Variants in KCNN2 observed in about 807,000 individuals in gnomAD.
KCNN2 encodes the protein potassium calcium-activated channel subfamily N member 2.
KCNN2 carries 24 observed loss-of-function variants against 55.5 expected under a neutral mutation model. That is an observed-to-expected ratio of 0.43 (90% CI 0.31 to 0.61). The LOEUF (loss-of-function observed/expected upper bound fraction) is 0.61, where lower values mean the gene tolerates loss of function less well. Ranked by LOEUF, KCNN2 falls within the 20% of genes least tolerant of loss-of-function variation. KCNN2 has a pLI of 0.08. For missense variants in KCNN2, 754 were observed against 853.6 expected (o/e 0.88, Z 1.45); for synonymous variants, 431 against 336.1 (o/e 1.28, Z -3.09).
chr5:114,286,820 G>A (rs902023903), intron 2 of KCNN2, among the ~76,000 whole-genome samples: 2 of 152,158 alleles, frequency 1.3e-5, no homozygotes, highest in Non-Finnish European at 2.9e-5. Flanking sequence ...TACTGATATA[G>A]AAAGTCAGAC....
chr5:114,257,046 G>A (rs1244826893), intron 2 of KCNN2, among the ~76,000 whole-genome samples: 1 of 151,758 alleles, frequency 6.6e-6, no homozygotes, highest in African/African-American at 2.4e-5. Flanking sequence ...TATATGGTGA[G>A]ATAGAGGTCC....
At chr5:114,125,534 A>G (rs986870598) in intron 1 of KCNN2, among the ~76,000 whole-genome samples, 1 of 151,972 alleles carries the variant, frequency 6.6e-6, no homozygotes, top group African/African-American at 2.4e-5. Flanking sequence ...ACAACTTCCT[A>G]AAAAAAATCT....
intron 1 of KCNN2, among the ~76,000 whole-genome samples, chr5:114,136,040 A>C (rs1054587592): frequency 6.6e-6 from 1 of 152,230 alleles, no homozygotes; most frequent in Non-Finnish European, 1.5e-5. Context: ...CCAGAATTAA[A>C]GAATTGAGTT....
intron 2 of KCNN2, among the ~76,000 whole-genome samples, chr5:114,344,895 C>T (rs534547954): frequency 9.2e-5 from 14 of 152,204 alleles, no homozygotes; most frequent in Non-Finnish European, 1.8e-4. Flanking sequence ...AGACTAGGTG[C>T]TGCTTATTTA....
chr5:114,394,162 T>A (rs993397647), intron 2 of KCNN2, among the ~76,000 whole-genome samples: 1 of 152,206 alleles, frequency 6.6e-6, no homozygotes, highest in African/African-American at 2.4e-5. Context: ...TTCAATGGTA[T>A]TAACATGTAA....
chr5:114,251,981 C>G (rs1754873603), intron 2 of KCNN2, among the ~76,000 whole-genome samples: 1 of 150,542 alleles, frequency 6.6e-6, no homozygotes, highest in African/African-American at 2.4e-5. Flanking sequence ...CAGGTTCAAG[C>G]AATTCTCCCA....
At chr5:114,249,439 A>G (rs1489678038) in intron 2 of KCNN2, among the ~76,000 whole-genome samples, 1 of 151,794 alleles carries the variant, frequency 6.6e-6, no homozygotes, top group Non-Finnish European at 1.5e-5. Context: ...GGTGCGTGCC[A>G]CTACACCCAG....
chr5:114,075,621 C>A (rs1219898453), intron 1 of KCNN2, among the ~76,000 whole-genome samples: 1 of 152,192 alleles, frequency 6.6e-6, no homozygotes, highest in Non-Finnish European at 1.5e-5. Flanking sequence ...TCCCACCCTT[C>A]CATTTGTATA....
chr5:114,360,020 T>A (rs187877258), upstream of KCNN2, among the ~76,000 whole-genome samples: 200 of 152,300 alleles, frequency 1.3e-3, 4 homozygotes, highest in African/African-American at 4.6e-3. Flanking sequence ...AATTGCTATT[T>A]TGAAGATACA....
intron 2 of KCNN2, among the ~76,000 whole-genome samples, chr5:114,399,930 G>GTTTTTTTTTTTTT (rs35266559): frequency 2.6e-4 from 34 of 129,828 alleles, no homozygotes; most frequent in Non-Finnish European, 3.3e-4. Flanking sequence ...TTTTTTTTTT[G>GTTTTTTTTTTTTT]TTTTTTTTTT....
intron 2 of KCNN2, among the ~76,000 whole-genome samples, chr5:114,234,174 C>G (rs1026836609): frequency 1.3e-5 from 2 of 152,118 alleles, no homozygotes. Context: ...AAGTTTTCTT[C>G]TGAATCCTAC....
At chr5:114,193,140 C>T (rs751943744) in intron 1 of KCNN2, among the ~76,000 whole-genome samples, 3 of 152,056 alleles carry the variant, frequency 2.0e-5, no homozygotes, top group Non-Finnish European at 2.9e-5. Flanking sequence ...CTTTATCTAG[C>T]GACCCTATTT....
At chr5:114,434,346 A>G (rs116272366) in intron 3 of KCNN2, among the ~76,000 whole-genome samples, 3,752 of 151,704 alleles carry the variant, frequency 0.025, 152 homozygotes, top group African/African-American at 0.086. Flanking sequence ...TACAATTTCT[A>G]TCTCTCTGCT....
intron 2 of KCNN2, among the ~76,000 whole-genome samples, chr5:114,318,557 A>C (rs922916943): frequency 2.0e-5 from 3 of 151,514 alleles, no homozygotes; most frequent in Admixed American, 1.3e-4. Flanking sequence ...TTATCATAAC[A>C]ATGATAATAT....
At chr5:114,211,833 AC>A (rs1282180378) in intron 1 of KCNN2, among the ~76,000 whole-genome samples, 2 of 151,900 alleles carry the variant, frequency 1.3e-5, no homozygotes, top group Admixed American at 1.3e-4. Context: ...AAATGTTCAG[AC>A]TTTTATTTGG....
chr5:114,108,663 C>T (rs1751535700), intron 1 of KCNN2, among the ~76,000 whole-genome samples: 1 of 152,004 alleles, frequency 6.6e-6, no homozygotes, highest in African/African-American at 2.4e-5. Flanking sequence ...AACATAATAT[C>T]TCTTAGAGTC....
chr5:114,110,848 G>C (rs1251497454), intron 1 of KCNN2, among the ~76,000 whole-genome samples: 1 of 151,992 alleles, frequency 6.6e-6, no homozygotes, highest in African/African-American at 2.4e-5. Context: ...TTCATTTGCT[G>C]AATGATGGTT....
At chr5:114,211,477 A>G (rs1027806534) in intron 1 of KCNN2, among the ~76,000 whole-genome samples, 12 of 152,228 alleles carry the variant, frequency 7.9e-5, no homozygotes, top group Admixed American at 3.3e-4. Context: ...ACCAAATACC[A>G]TATGTTCTCA....
At chr5:114,284,893 C>T (rs535821237) in intron 2 of KCNN2, among the ~76,000 whole-genome samples, 1 of 152,068 alleles carries the variant, frequency 6.6e-6, no homozygotes, top group Admixed American at 6.6e-5. Flanking sequence ...CAGATGAAAA[C>T]AGACAAACTT....
Sources: allele counts gnomAD v4.1 joint callset (sites outside exome capture counted in the v4.1 genomes callset), GRCh38; gene constraint gnomAD v4.1.1; transcripts MANE v1.5; gene names NCBI Gene and HGNC (gene_info 2026-07-23, HGNC 2026-07-21).